Variants in DDAH1 observed in about 807,000 individuals in gnomAD.
The protein encoded by DDAH1 is dimethylarginine dimethylaminohydrolase 1, also known as N(G),N(G)-dimethylarginine dimethylaminohydrolase 1.
Under a neutral mutation model 28.8 loss-of-function variants are expected in DDAH1, and 19 were observed. The ratio of observed to expected loss-of-function variants is 0.66; its 90% CI spans 0.46 to 0.97. The LOEUF (loss-of-function observed/expected upper bound fraction) is 0.97. Among genes scored for constraint, DDAH1 ranks in the 50% least tolerant of loss-of-function variants. The pLI is 0.00. For missense variants in DDAH1, 326 were observed against 375.9 expected (o/e 0.87, Z 1.10); for synonymous variants, 153 against 154.4 (o/e 0.99, Z 0.07).
chr1:85,410,644 A>AAAC, intron 1 of DDAH1, among the ~76,000 whole-genome samples: 1 of 152,136 alleles, frequency 6.6e-6, no homozygotes, highest in East Asian at 1.9e-4. Flanking sequence ...CCTCAAAAAA[A>AAAC]AAAAAAAAAT....
At chr1:85,440,587 T>C (rs1349453984) in intron 1 of DDAH1, among the ~76,000 whole-genome samples, 1 of 152,220 alleles carries the variant, frequency 6.6e-6, no homozygotes, top group Non-Finnish European at 1.5e-5. Context: ...GGCTGGAGAA[T>C]GTTATGTAAA....
chr1:85,509,032 C>A (rs893384780), intron 1 of DDAH1, among the ~76,000 whole-genome samples: 1 of 152,244 alleles, frequency 6.6e-6, no homozygotes, highest in African/African-American at 2.4e-5. Context: ...GGGTCCCTGA[C>A]CCCCGTGTAG....
intron 1 of DDAH1, among the ~76,000 whole-genome samples, chr1:85,403,500 A>G (rs564963801): frequency 2.6e-5 from 4 of 152,214 alleles, no homozygotes; most frequent in South Asian, 4.1e-4. Context: ...CAATTTTTCA[A>G]TTGGAACTCT....
intron 1 of DDAH1, among the ~76,000 whole-genome samples, chr1:85,554,664 G>C (rs1658908951): frequency 6.6e-6 from 1 of 152,170 alleles, no homozygotes; most frequent in South Asian, 2.1e-4. Context: ...GCGTTAAAAA[G>C]CCTCAAATCA....
rs148144127 is a variant in DDAH1, at chr1:85,369,109, G to A, written c.304-10262C>T. The stretch of plus-strand genomic sequence containing the variant: ...AGGGTCTCACTCTGTCCTCCAGGCT[G>A]GAGTGCAGTGGTGCCATCATGGCTC... On this transcript the variant is annotated intron_variant, in intron 1 of 5. Coordinates refer to ENST00000284031, the MANE Select transcript of DDAH1 (RefSeq NM_012137.4). Among the ~76,000 whole-genome samples, 1,044 of 141,884 alleles carry A rather than the reference G, an allele frequency of 7.4e-3. 12 individuals carry two copies. Among genetic ancestry groups the A allele is most frequent in the African/African-American group, 0.026 (999 of 38,300 alleles). 93.1% of individuals were successfully genotyped at this position (141,884 alleles called of 152,430 possible). A position where few individuals can be genotyped will look rare whatever the true frequency, so the allele number is the denominator to read the frequency against.
chr1:85,328,209 C>A (rs1056635972), intron 4 of DDAH1, among the ~76,000 whole-genome samples: 3 of 152,184 alleles, frequency 2.0e-5, no homozygotes, highest in Non-Finnish European at 2.9e-5. Flanking sequence ...CAAAGTAAGA[C>A]AACAGGGGGT....
chr1:85,485,688 A>G (rs1646206792), intron 2 of DDAH1, among the ~76,000 whole-genome samples: 1 of 152,216 alleles, frequency 6.6e-6, no homozygotes, highest in African/African-American at 2.4e-5. Context: ...TCATTACTAT[A>G]GAAAATGAGC....
At chr1:85,467,991 G>A (rs1655446372), upstream of DDAH1, among the ~76,000 whole-genome samples, 1 of 152,156 alleles carries the variant, frequency 6.6e-6, no homozygotes, top group South Asian at 2.1e-4. Context: ...GGGTGGGAGT[G>A]GAAGAAAGCT....
intron 1 of DDAH1, among the ~76,000 whole-genome samples, chr1:85,371,010 G>A (rs977199577): frequency 6.6e-6 from 1 of 152,176 alleles, no homozygotes; most frequent in Non-Finnish European, 1.5e-5. Context: ...AGGAAGTGAT[G>A]TGAGGAAACT....
chr1:85,448,345 C>T (rs1402442728), intron 1 of DDAH1, among the ~76,000 whole-genome samples: 1 of 152,184 alleles, frequency 6.6e-6, no homozygotes, highest in Non-Finnish European at 1.5e-5. Context: ...CTCTTTAATT[C>T]TCTCAATCAT....
rs566562603 is a variant in DDAH1 at position 85,473,824 on chromosome 1, T to C, written c.-7+22342A>G. Among the ~76,000 whole-genome samples, 5 of 152,342 alleles carry C rather than the reference T, an allele frequency of 3.3e-5. No homozygotes were observed. In the South Asian group the frequency reaches 6.2e-4, roughly 19 times the overall value. ...AGAGTTCTCTAGCCTCCATCTCTTTTCTTCCAACTTTACATGCTTCCTGCT... is the reference window on the plus strand; with the variant it reads ...AGAGTTCTCTAGCCTCCATCTCTTTCCTTCCAACTTTACATGCTTCCTGCT... On this transcript the variant is annotated intron_variant, in intron 2 of 6. Transcript: ENST00000426972.
chr1:85,344,592 C>T (rs941665259), intron 4 of DDAH1, among the ~76,000 whole-genome samples: 3 of 148,482 alleles, frequency 2.0e-5, no homozygotes, highest in East Asian at 2.1e-4. Context: ...TCCCTTCCCT[C>T]CCTCCCTTCA....
intron 1 of DDAH1, among the ~76,000 whole-genome samples, chr1:85,555,506 A>G (rs1319038270): frequency 6.6e-6 from 1 of 152,212 alleles, no homozygotes; most frequent in Non-Finnish European, 1.5e-5. Flanking sequence ...GAGGCCTGTG[A>G]TTTTAACATG....
chr1:85,353,748 A>G, intron 2 of DDAH1, among the ~76,000 whole-genome samples: 1 of 152,154 alleles, frequency 6.6e-6, no homozygotes, highest in East Asian at 1.9e-4. Context: ...AGAAAAACAT[A>G]ATACTCTGAG....
intron 4 of DDAH1, among the ~76,000 whole-genome samples, chr1:85,348,816 T>TTGAG (rs1382853655): frequency 2.0e-5 from 3 of 152,226 alleles, no homozygotes; most frequent in Non-Finnish European, 4.4e-5. Context: ...TCTAGACTAT[T>TTGAG]TGAGTTACAG....
intron 2 of DDAH1, among the ~76,000 whole-genome samples, chr1:85,487,598 G>T (rs566354307): frequency 6.6e-6 from 1 of 152,080 alleles, no homozygotes; most frequent in African/African-American, 2.4e-5. Context: ...CTTTAAAAAA[G>T]TAAATTTTAT....
At chr1:85,520,012 AT>A (rs1221925739) in intron 1 of DDAH1, among the ~76,000 whole-genome samples, 1 of 148,922 alleles carries the variant, frequency 6.7e-6, no homozygotes, top group African/African-American at 2.5e-5. Flanking sequence ...CTTATTTATT[AT>A]AAGTTCTTTA....
intron 1 of DDAH1, among the ~76,000 whole-genome samples, chr1:85,507,872 A>G (rs1657080587): frequency 6.6e-6 from 1 of 152,216 alleles, no homozygotes; most frequent in Non-Finnish European, 1.5e-5. Flanking sequence ...ATTCTTCTGC[A>G]GGATTCTTTG....
chr1:85,356,991 G>T (rs1649520739), intron 2 of DDAH1, among the ~76,000 whole-genome samples: 1 of 152,164 alleles, frequency 6.6e-6, no homozygotes, highest in African/African-American at 2.4e-5. Flanking sequence ...TTCATTGCAT[G>T]GCTATGTTCT....
Sources: allele counts gnomAD v4.1 joint callset (sites outside exome capture counted in the v4.1 genomes callset), GRCh38; gene constraint gnomAD v4.1.1; transcripts MANE v1.5; gene names NCBI Gene and HGNC (gene_info 2026-07-23, HGNC 2026-07-21).